The following SMYD2 variants were observed in gnomAD, a reference collection of about 807,000 sequenced individuals.
SMYD2 encodes SET and MYND domain containing 2, also known as N-lysine methyltransferase SMYD2.
Under a neutral mutation model 59.1 loss-of-function variants are expected in SMYD2, and 53 were observed. The observed-to-expected ratio is 0.90, with a 90% CI of 0.72 to 1.13. The LOEUF (loss-of-function observed/expected upper bound fraction) is 1.13. Among genes scored for constraint, SMYD2 ranks in the 50% most tolerant of loss-of-function variants. SMYD2 has a pLI of 0.00. For synonymous variants in SMYD2, 208 were observed against 198.8 expected (o/e 1.05, Z -0.39); for missense variants, 494 against 544.7 (o/e 0.91, Z 0.93).
At chr1:214,303,090 G>A (rs1656852608) in intron 1 of SMYD2, among the ~76,000 whole-genome samples, 1 of 152,022 alleles carries the variant, frequency 6.6e-6, no homozygotes, top group Admixed American at 6.6e-5. Context: ...GGGAGAAGGT[G>A]GGTTATTAGA....
At position 214,312,644 on chromosome 1, in the gene SMYD2, C is replaced by T. The variant is rs925004305; in HGVS notation, c.238-2118C>T. Among the ~76,000 whole-genome samples, 9 of 152,094 alleles carry T rather than the reference C, an allele frequency of 5.9e-5. No homozygotes were observed. The highest frequency in any genetic ancestry group is 1.7e-4 in the African/African-American group (7 of 41,416). ...TGCTAGCCACAAAACAGAGCAAGTG[C>T]GAAGGGCCTTGAGGCAGGTACATGG... On this transcript the variant is annotated intron_variant, in intron 2 of 11. Coordinates refer to ENST00000366957, the MANE Select transcript of SMYD2 (RefSeq NM_020197.3). This position sits in a 1 kb window ranked among gnomAD's most constrained non-coding sequence, Gnocchi z 4.1.
chr1:214,302,069 C>T (rs1356620216), intron 1 of SMYD2, among the ~76,000 whole-genome samples: 6 of 152,104 alleles, frequency 3.9e-5, no homozygotes, highest in African/African-American at 9.7e-5. Flanking sequence ...CAGCCAGGCG[C>T]GGTATCTCAC....
chr1:214,309,140 A>G (rs952391026), intron 2 of SMYD2, among the ~76,000 whole-genome samples: 4 of 152,090 alleles, frequency 2.6e-5, no homozygotes, highest in Non-Finnish European at 5.9e-5. Flanking sequence ...ATTTGATACA[A>G]TTTGGTTCTA....
At chr1:214,295,515 C>G (rs1005127705) in intron 1 of SMYD2, among the ~76,000 whole-genome samples, 1 of 152,178 alleles carries the variant, frequency 6.6e-6, no homozygotes, top group Non-Finnish European at 1.5e-5. Context: ...GCCCAGCTTC[C>G]TCCTTGTAAA....
At chr1:214,307,105 G>A (rs920299442) in intron 2 of SMYD2, among the ~76,000 whole-genome samples, 5 of 152,330 alleles carry the variant, frequency 3.3e-5, no homozygotes. Context: ...CCTGGGAGGC[G>A]GAGGTTGCAG....
chr1:214,281,440 CGGCGGCGGCGGCG>C lies in SMYD2; in HGVS notation c.173+19_173+31del. 3.6e-6 allele frequency: 5 copies of C among 1,383,976 alleles called. No individual in the cohort carries two copies. In the South Asian group the frequency reaches 5.6e-5, roughly 16 times the overall value. The allele number at this position is 1,383,976 out of a possible 1,614,324, so 85.7% of individuals were successfully genotyped here. A position where few individuals can be genotyped will look rare whatever the true frequency, so the allele number is the denominator to read the frequency against. ...ACTGCTTCACCAGGTAGGGCGGCGGCGGCGGCGGCGGCGGGCGGGAGCCGGGGGCGCCGAGCGG... is the reference window on the plus strand; with the variant it reads ...ACTGCTTCACCAGGTAGGGCGGCGGCGGCGGGAGCCGGGGGCGCCGAGCGG... On this transcript the variant is annotated intron_variant, in intron 1 of 11. Coordinates refer to ENST00000366957, the MANE Select transcript of SMYD2 (RefSeq NM_020197.3).
At chr1:214,287,423 C>G (rs148224267) in intron 1 of SMYD2, among the ~76,000 whole-genome samples, 22,043 of 151,500 alleles carry the variant, frequency 0.15, 2,059 homozygotes, top group Non-Finnish European at 0.2. Flanking sequence ...CTCATCTCTA[C>G]TAAAAATTCA....
intron 2 of SMYD2, among the ~76,000 whole-genome samples, chr1:214,314,468 A>G (rs943969468): frequency 6.6e-6 from 1 of 152,150 alleles, no homozygotes; most frequent in Non-Finnish European, 1.5e-5. Context: ...GGAAAGATGT[A>G]TGTGTTGTTT....
chr1:214,301,769 TAAAAAAA>T (rs56102481), intron 1 of SMYD2, among the ~76,000 whole-genome samples: 1 of 133,368 alleles, frequency 7.5e-6, no homozygotes, highest in African/African-American at 2.9e-5. Context: ...TCTTTCAAGT[TAAAAAAA>T]AAAAAAAAAA....
rs200825251 is a variant in SMYD2, at chr1:214,332,126, T to C, written c.1046T>C (p.Val349Ala). 554 of 1,614,190 alleles carry C rather than the reference T, an allele frequency of 3.4e-4. 4 individuals carry two copies. The South Asian group carries it at 5.7e-3, about 17-fold the overall frequency. Residue 349 changes from valine (V) to alanine (A), a missense_variant, in exon 10 of 12, where the codon GTC (valine) becomes GCC (alanine). Physicochemically the swap from Val to Ala is moderately conservative, Grantham distance 64. Transcript: ENST00000366957. ...CACATGATGTACCAGGCCATGGGTG[T>C]CTGCTTGTACATGCAGGACTGGGAA... The part of the protein sequence containing the change: ...MLHMMYQAMG[V>A]CLYMQDWEGA...
At chr1:214,293,014 TGTG>T in intron 1 of SMYD2, among the ~76,000 whole-genome samples, 1 of 296 alleles carries the variant, frequency 3.4e-3, no homozygotes, top group Non-Finnish European at 6.8e-3. Flanking sequence ...TTTCTGTTTG[TGTG>T]TGTGTGTGTG....
chr1:214,326,709 A>T (rs1657269399), intron 6 of SMYD2, among the ~76,000 whole-genome samples: 1 of 152,032 alleles, frequency 6.6e-6, no homozygotes, highest in Non-Finnish European at 1.5e-5. Flanking sequence ...CAGGCTTCGA[A>T]ACCCCTTTCC....
At chr1:214,336,177 A>G (rs115603730) in intron 11 of SMYD2, among the ~76,000 whole-genome samples, 6,086 of 152,134 alleles carry the variant, frequency 0.04, 165 homozygotes, top group Middle Eastern at 0.058. Flanking sequence ...ATTTTTGCAG[A>G]ATGTTTTACC....
chr1:214,281,596 A>G (rs564080163), intron 1 of SMYD2, among the ~76,000 whole-genome samples, 169 bp downstream of exon 1: 5 of 152,138 alleles, frequency 3.3e-5, no homozygotes, highest in Admixed American at 2.0e-4. Flanking sequence ...CCCGCGCTGC[A>G]GCCCCACGCC....
chr1:214,294,669 TCAAA>T (rs956195128), intron 1 of SMYD2, among the ~76,000 whole-genome samples: 2 of 152,310 alleles, frequency 1.3e-5, no homozygotes, highest in South Asian at 2.1e-4. Context: ...AGACCCTCTC[TCAAA>T]CAAACAAACA....
intron 6 of SMYD2, among the ~76,000 whole-genome samples, chr1:214,326,237 CAAAAA>C (rs35269144): frequency 2.2e-5 from 2 of 90,756 alleles, no homozygotes; most frequent in Non-Finnish European, 4.4e-5. Context: ...GACTCCATCT[CAAAAA>C]AAAAAAAAAA....
intron 1 of SMYD2, among the ~76,000 whole-genome samples, chr1:214,299,479 A>ATATATATATATATATATATATATG (rs1656786941): frequency 3.5e-5 from 1 of 28,484 alleles, no homozygotes; most frequent in African/African-American, 1.5e-4. Context: ...ATATATATAT[A>ATATATATATATATATATATATATG]TATACACCAT....
chr1:214,315,430 A>T (rs1657069642), intron 3 of SMYD2, among the ~76,000 whole-genome samples: 1 of 152,200 alleles, frequency 6.6e-6, no homozygotes, highest in Non-Finnish European at 1.5e-5. Context: ...TAAAAAAAAA[A>T]AGTGAAGAAG....
chr1:214,317,037 T>G (rs1657097409), intron 3 of SMYD2, among the ~76,000 whole-genome samples: 1 of 152,152 alleles, frequency 6.6e-6, no homozygotes, highest in East Asian at 1.9e-4. Context: ...AGTGATATGT[T>G]AAGAATTCAG....
Sources: gnomAD v4.1 joint callset for allele counts (sites outside exome capture counted in the v4.1 genomes callset) on GRCh38, gnomAD v4.1.1 for gene constraint, Gnocchi (gnomAD v3.1) non-coding constraint, MANE v1.5 for transcripts, NCBI Gene and HGNC (gene_info 2026-07-23, HGNC 2026-07-21) for gene names.